Variants in EDIL3 observed in about 807,000 individuals in gnomAD.
EDIL3 encodes EGF-like repeat and discoidin I-like domain-containing protein 3.
In EDIL3, 37 loss-of-function variants were observed where a neutral mutation model predicts 67.4. That is an observed-to-expected ratio of 0.55 (90% confidence interval 0.42 to 0.72). EDIL3 has a LOEUF of 0.72. Among genes scored for constraint, EDIL3 ranks in the 30% least tolerant of loss-of-function variants. The probability of loss-of-function intolerance (pLI) is 0.00; values close to 1 mark genes in which losing one functional copy is unlikely to be tolerated. For missense variants in EDIL3, 527 were observed against 586.3 expected, an observed-to-expected ratio of 0.90 and a Z score of 1.04; for synonymous variants, 195 against 196.3, an observed-to-expected ratio of 0.99 and a Z score of 0.05.
intron 5 of EDIL3, among the ~76,000 whole-genome samples, chr5:84,112,680 C>T (rs1261974166): frequency 4.6e-5 from 7 of 152,120 alleles, no homozygotes. Context: ...AAACCATGTC[C>T]AGTACTTCCC....
chr5:84,193,497 G>A (rs1743634409), intron 3 of EDIL3, among the ~76,000 whole-genome samples: 1 of 151,952 alleles, frequency 6.6e-6, no homozygotes, highest in Non-Finnish European at 1.5e-5. Flanking sequence ...AGGCAGAGGA[G>A]AGTGTGGCCT....
intron 1 of EDIL3, among the ~76,000 whole-genome samples, chr5:84,366,921 T>C (rs1747750430): frequency 1.3e-5 from 2 of 152,214 alleles, no homozygotes; most frequent in African/African-American, 4.8e-5. Context: ...TAGATGCAAA[T>C]GTCCCAACAA....
intron 5 of EDIL3, among the ~76,000 whole-genome samples, chr5:84,121,629 C>T (rs1324645122): frequency 6.6e-6 from 1 of 151,582 alleles, no homozygotes; most frequent in Non-Finnish European, 1.5e-5. Flanking sequence ...AAAGGTCATC[C>T]TCTTGGCTGC....
At chr5:84,291,792 C>T (rs1745928258) in intron 1 of EDIL3, among the ~76,000 whole-genome samples, 3 of 145,998 alleles carry the variant, frequency 2.1e-5, no homozygotes, top group Non-Finnish European at 4.5e-5. Context: ...CAGATATATA[C>T]ACACACATAT....
At chr5:83,949,091 C>G (rs1380845195) in intron 10 of EDIL3, among the ~76,000 whole-genome samples, 1 of 151,692 alleles carries the variant, frequency 6.6e-6, no homozygotes. Flanking sequence ...CTGTTGGAGC[C>G]AGTAGACTTT....
chr5:84,262,595 G>A (rs1376159824), intron 1 of EDIL3, among the ~76,000 whole-genome samples: 1 of 141,072 alleles, frequency 7.1e-6, no homozygotes, highest in Admixed American at 7.4e-5. Flanking sequence ...TACAAAATAA[G>A]TAGCGAAAAT....
At chr5:84,340,528 CTCTCTCTA>C (rs1178212750) in intron 1 of EDIL3, among the ~76,000 whole-genome samples, 219 of 71,472 alleles carry the variant, frequency 3.1e-3, no homozygotes, top group Non-Finnish European at 5.2e-3. Flanking sequence ...CTCTCTCTCT[CTCTCTCTA>C]TATATATATA....
intron 10 of EDIL3, among the ~76,000 whole-genome samples, chr5:83,943,837 T>C (rs907355502): frequency 2.6e-4 from 39 of 152,108 alleles, no homozygotes; most frequent in African/African-American, 9.1e-4. Flanking sequence ...TTAAAAAAAA[T>C]ACAACAGGTA....
chr5:84,300,713 A>T (rs1746141361), intron 1 of EDIL3, among the ~76,000 whole-genome samples: 2 of 152,230 alleles, frequency 1.3e-5, no homozygotes, highest in African/African-American at 4.8e-5. Flanking sequence ...TAATAATTAT[A>T]TAAGTGCTTC....
intron 1 of EDIL3, among the ~76,000 whole-genome samples, chr5:84,311,091 T>C (rs1348988480): frequency 6.6e-6 from 1 of 152,166 alleles, no homozygotes; most frequent in African/African-American, 2.4e-5. Flanking sequence ...TGCCAATTTA[T>C]TTACTCTTCT....
chr5:84,256,112 T>C (rs1745117491), intron 1 of EDIL3, among the ~76,000 whole-genome samples: 1 of 109,908 alleles, frequency 9.1e-6, no homozygotes, highest in East Asian at 3.8e-4. Context: ...TATATACTTA[T>C]CATCTAACTA....
At chr5:84,277,312 C>T (rs1489133234) in intron 1 of EDIL3, among the ~76,000 whole-genome samples, 1 of 152,044 alleles carries the variant, frequency 6.6e-6, no homozygotes, top group African/African-American at 2.4e-5. Flanking sequence ...AGAAGAGAGC[C>T]GATCTCTGAG....
At chr5:84,129,569 C>A (rs1747924488) in intron 5 of EDIL3, among the ~76,000 whole-genome samples, 1 of 151,902 alleles carries the variant, frequency 6.6e-6, no homozygotes, top group Non-Finnish European at 1.5e-5. Flanking sequence ...GTATTTCAAG[C>A]AAAGTAGAAC....
chr5:84,257,542 A>C (rs1745143754), intron 1 of EDIL3, among the ~76,000 whole-genome samples: 1 of 152,184 alleles, frequency 6.6e-6, no homozygotes, highest in Non-Finnish European at 1.5e-5. Flanking sequence ...ATTTTGACCA[A>C]ATTGATCCAG....
chr5:84,096,476 G>A (rs1048563436), intron 6 of EDIL3, among the ~76,000 whole-genome samples: 3 of 152,162 alleles, frequency 2.0e-5, no homozygotes, highest in Non-Finnish European at 2.9e-5. Context: ...ACTTGCCTGG[G>A]GCCAGTAGCC....
intron 4 of EDIL3, among the ~76,000 whole-genome samples, chr5:84,160,764 C>A (rs527692703): frequency 4.3e-5 from 2 of 46,342 alleles, no homozygotes; most frequent in African/African-American, 1.5e-4. Context: ...CCTTTCCTTT[C>A]CTTTCCTTTC....
intron 1 of EDIL3, among the ~76,000 whole-genome samples, chr5:84,342,926 GT>G (rs986270877): frequency 6.6e-6 from 1 of 151,832 alleles, no homozygotes; most frequent in Non-Finnish European, 1.5e-5. Context: ...ATTTTTCATT[GT>G]TTCCACTTTG....
At chr5:84,159,669 C>G (rs941109545) in intron 4 of EDIL3, among the ~76,000 whole-genome samples, 1 of 151,726 alleles carries the variant, frequency 6.6e-6, no homozygotes, top group East Asian at 1.9e-4. Context: ...TCATAATAAA[C>G]TGTATATAGG....
intron 9 of EDIL3, among the ~76,000 whole-genome samples, chr5:84,018,118 C>A (rs953646273): frequency 3.3e-5 from 5 of 152,152 alleles, no homozygotes; most frequent in African/African-American, 1.2e-4. Flanking sequence ...AAATCTGTAA[C>A]CATCTTCTTG....
Sources: allele counts gnomAD v4.1 joint callset (sites outside exome capture counted in the v4.1 genomes callset), GRCh38; gene constraint gnomAD v4.1.1; transcripts MANE v1.5; gene names NCBI Gene and HGNC (gene_info 2026-07-23, HGNC 2026-07-21).